The following CARMIL1 variants were observed in gnomAD, a reference collection of about 807,000 sequenced individuals.
The protein encoded by CARMIL1 is F-actin-uncapping protein LRRC16A.
A neutral mutation model predicts 177.1 loss-of-function variants in CARMIL1; 90 were observed. That is an observed-to-expected ratio of 0.51 (90% confidence interval 0.43 to 0.61). The LOEUF (loss-of-function observed/expected upper bound fraction) is 0.61, where lower values mean the gene tolerates loss of function less well. Ranked by LOEUF, CARMIL1 falls within the 20% of genes least tolerant of loss-of-function variation. The probability of loss-of-function intolerance (pLI) is 0.00; values close to 1 mark genes in which losing one functional copy is unlikely to be tolerated. For missense variants in CARMIL1, 1,380 were observed against 1,667.0 expected (o/e 0.83, Z 3.00); for synonymous variants, 577 against 606.2 (o/e 0.95, Z 0.71).
At chr6:25,540,304 G>A (rs1808766222) in intron 26 of CARMIL1, among the ~76,000 whole-genome samples, 1 of 152,100 alleles carries the variant, frequency 6.6e-6, no homozygotes, top group African/African-American at 2.4e-5. Flanking sequence ...ATAAATTATG[G>A]GTTGCCACTG....
At position 25,486,250 on chromosome 6, in the gene CARMIL1, A is replaced by G. The variant is rs1378986434; in HGVS notation, c.962-2232A>G. Among the ~76,000 whole-genome samples the G allele has an allele frequency of 8.5e-5, 13 of 152,100 alleles. No individual in the cohort carries two copies. In the South Asian group the frequency reaches 2.5e-3, roughly 29 times the overall value. ...ATAATTCTCCACTCTTCGTGGGCTT[A>G]TTAACACAGGCCTCATGTGAGCATG... is the stretch of plus-strand genomic sequence containing the variant. On this transcript the variant is annotated intron_variant, in intron 12 of 36. Coordinates refer to ENST00000329474, the MANE Select transcript of CARMIL1 (RefSeq NM_017640.6).
intron 36 of CARMIL1, 73 bp downstream of exon 36, chr6:25,610,254 C>A: frequency 1.4e-6 from 2 of 1,471,362 alleles, no homozygotes; most frequent in South Asian, 3.0e-5. Context: ...TAAAGGAACT[C>A]ATCCTGGACT....
At chr6:25,392,412 T>C (rs947810915) in intron 2 of CARMIL1, among the ~76,000 whole-genome samples, 1 of 152,202 alleles carries the variant, frequency 6.6e-6, no homozygotes, top group African/African-American at 2.4e-5. Flanking sequence ...CCCAGTTGGC[T>C]CAGAGGAAAA....
At chr6:25,460,966 C>G (rs1800067005) in intron 8 of CARMIL1, among the ~76,000 whole-genome samples, 1 of 151,680 alleles carries the variant, frequency 6.6e-6, no homozygotes, top group African/African-American at 2.4e-5. Context: ...ATCACCGTTC[C>G]CTCCTTCTCC....
chr6:25,287,852 G>A lies in CARMIL1; in HGVS notation c.138+2943G>A, dbSNP rs190877586. ...TTGCTGACTTCAAACAATGATAGGG[G>A]AGATTTGGACTTTAGAGTCTCTCTG... On this transcript the variant is annotated intron_variant, in intron 2 of 36. Coordinates refer to ENST00000329474, the MANE Select transcript of CARMIL1 (RefSeq NM_017640.6). Among the ~76,000 whole-genome samples, 96 of 152,344 alleles carry A rather than the reference G, an allele frequency of 6.3e-4. No individual in the cohort carries two copies. In the Middle Eastern group the frequency reaches 0.014, roughly 22 times the overall value.
rs140241479 is a variant in CARMIL1 at position 25,441,240 on chromosome 6, C to T, written c.371+5636C>T. 3.3e-5 allele frequency among the ~76,000 whole-genome samples: 5 copies of T among 151,422 alleles called. No individual in the cohort carries two copies. In the East Asian group the frequency reaches 9.7e-4, roughly 29 times the overall value. ...ACTTGAGCCCAGGAGTTTGAACTTG[C>T]AGTGAGCTATGCTCACACCACTACA... On this transcript the variant is annotated intron_variant, in intron 5 of 36. Coordinates refer to ENST00000329474, the MANE Select transcript of CARMIL1 (RefSeq NM_017640.6).
At chr6:25,604,571 C>T (rs565021166) in intron 33 of CARMIL1, among the ~76,000 whole-genome samples, 38 of 152,202 alleles carry the variant, frequency 2.5e-4, no homozygotes, top group African/African-American at 7.0e-4. Context: ...AGGAGCCTTC[C>T]GAGGAACCAA....
chr6:25,415,474 ACCCCCACT>A (rs1411802485), intron 2 of CARMIL1, among the ~76,000 whole-genome samples: 1 of 112,284 alleles, frequency 8.9e-6, no homozygotes, highest in Non-Finnish European at 1.8e-5. Context: ...CCCACCCCCC[ACCCCCACT>A]CCCCCACTGG....
At chr6:25,477,526 C>G (rs909494603) in intron 11 of CARMIL1, among the ~76,000 whole-genome samples, 2 of 152,154 alleles carry the variant, frequency 1.3e-5, no homozygotes, top group African/African-American at 4.8e-5. Flanking sequence ...TGTTCACCAG[C>G]TTGCTCTTGG....
chr6:25,599,276 G>A (rs961188462), intron 32 of CARMIL1, among the ~76,000 whole-genome samples: 4 of 152,164 alleles, frequency 2.6e-5, no homozygotes, highest in Admixed American at 1.3e-4. Context: ...GGGTCTCCCC[G>A]ACTGTTGGCT....
At chr6:25,450,204 A>G in intron 6 of CARMIL1, 135 bp from the exon 7 acceptor site, 1 of 739,810 alleles carries the variant, frequency 1.4e-6, no homozygotes, top group Non-Finnish European at 2.3e-6. Context: ...CAGGGAGGAG[A>G]ATCTTTGCTG....
intron 32 of CARMIL1, among the ~76,000 whole-genome samples, chr6:25,597,057 G>A (rs1814929261): frequency 6.6e-6 from 1 of 152,116 alleles, no homozygotes; most frequent in African/African-American, 2.4e-5. Context: ...TCAAGTTTGG[G>A]TGGCCACACT....
chr6:25,283,861 G>A (rs1372806496), intron 1 of CARMIL1, among the ~76,000 whole-genome samples: 3 of 145,304 alleles, frequency 2.1e-5, no homozygotes, highest in Admixed American at 7.0e-5. Context: ...TTACAGGCAC[G>A]CACCACCACA....
intron 29 of CARMIL1, among the ~76,000 whole-genome samples, chr6:25,569,527 C>G (rs1811874491): frequency 6.6e-6 from 1 of 152,206 alleles, no homozygotes; most frequent in Admixed American, 6.5e-5. Context: ...ACCCTCCACT[C>G]TTTTTACTTG....
chr6:25,435,548 G>C lies in CARMIL1; in HGVS notation c.315G>C (p.Glu105Asp). The change falls in exon 5 of 37, where the codon GAG becomes GAC. Residue 105 changes from glutamate (E) to aspartate (D), a missense_variant. Transcript: ENST00000329474. ...TGGCGTCACCCGAGGACGTGAGTGA[G>C]GTGCTGGCTCACATAGGCACCTGCC... ...MKMASPEDVSEVLAHIGTCLR... is the reference protein window; with the variant it reads ...MKMASPEDVSDVLAHIGTCLR... 6.4e-7 allele frequency: 1 copy of C among 1,559,686 alleles called. No individual in the cohort carries two copies. The highest frequency in any genetic ancestry group is 1.7e-4 in the Middle Eastern group (1 of 5,998).
intron 33 of CARMIL1, 23 bp from the exon 34 acceptor site, chr6:25,604,789 G>T: frequency 6.4e-7 from 1 of 1,552,358 alleles, no homozygotes; most frequent in Non-Finnish European, 8.7e-7. Flanking sequence ...ACTTTTTGGG[G>T]GGATGGTGCT....
At chr6:25,526,630 A>G (rs964333286) in intron 23 of CARMIL1, among the ~76,000 whole-genome samples, 7 of 151,464 alleles carry the variant, frequency 4.6e-5, no homozygotes, top group African/African-American at 1.7e-4. Context: ...ATGGTTCACT[A>G]TAGCCTCAAA....
Position 25,510,794 on chromosome 6 carries a change from C to A in CARMIL1, c.1632+32C>A, listed in dbSNP as rs192384411. 2.7e-4 allele frequency: 356 copies of A among 1,323,182 alleles called. No homozygotes were observed. In the African/African-American group the frequency reaches 3.8e-3, roughly 14 times the overall value. The allele number at this position is 1,323,182 out of a possible 1,614,324, so 82.0% of individuals were successfully genotyped here. On this transcript the variant is annotated intron_variant, in intron 20 of 36. Transcript: ENST00000329474. ...ATTATGTTAAACTTTTTACTAAAAT[C>A]TTCTGTTTGTTGCCATTCTTACTGA...
chr6:25,488,076 A>G (rs1282890612), intron 12 of CARMIL1, among the ~76,000 whole-genome samples: 1 of 152,220 alleles, frequency 6.6e-6, no homozygotes, highest in East Asian at 1.9e-4. Context: ...TAAATAGCCT[A>G]AATTATCTGA....
Sources: gnomAD v4.1 joint callset for allele counts (sites outside exome capture counted in the v4.1 genomes callset) on GRCh38, gnomAD v4.1.1 for gene constraint, MANE v1.5 for transcripts, NCBI Gene and HGNC (gene_info 2026-07-23, HGNC 2026-07-21) for gene names.